Variants in BRD10 observed in about 807,000 individuals in gnomAD.
BRD10 encodes bromodomain containing 10, also known as uncharacterized bromodomain-containing protein 10.
At chr9:5,945,416 C>A in the BRD10 span, among the ~76,000 whole-genome samples, 1 of 152,058 alleles carries the variant, frequency 6.6e-6, no homozygotes, top group African/African-American at 2.4e-5. Context: ...ATTTAACAAA[C>A]CTTAGTTATT....
At chr9:5,922,226 T>G in the BRD10 span, 1 of 1,614,000 alleles carries the variant, frequency 6.2e-7, no homozygotes, top group South Asian at 1.1e-5. Flanking sequence ...AGCAGTCTGT[T>G]GTGCAAAACA....
At chr9:5,944,063 A>C in the BRD10 span, among the ~76,000 whole-genome samples, 1 of 152,202 alleles carries the variant, frequency 6.6e-6, no homozygotes, top group African/African-American at 2.4e-5. Flanking sequence ...ATTTATATTA[A>C]CAGGTTCTGA....
chr9:5,939,572 T>A, the BRD10 span, among the ~76,000 whole-genome samples: 1 of 152,230 alleles, frequency 6.6e-6, no homozygotes, highest in Admixed American at 6.5e-5. Flanking sequence ...TATTATGTAA[T>A]AGAATTCTCT....
chr9:5,989,345 G>A, the BRD10 span, among the ~76,000 whole-genome samples: 1 of 147,036 alleles, frequency 6.8e-6, no homozygotes, highest in African/African-American at 2.5e-5. Context: ...AAGGTGGGAG[G>A]ACCGATGCTT....
At chr9:5,956,115 T>C in the BRD10 span, among the ~76,000 whole-genome samples, 1 of 151,978 alleles carries the variant, frequency 6.6e-6, no homozygotes, top group Non-Finnish European at 1.5e-5. Context: ...AGCCCTACTC[T>C]GATTAGCTTA....
chr9:5,922,403 G>A, the BRD10 span: 2 of 1,613,954 alleles, frequency 1.2e-6, no homozygotes, highest in Non-Finnish European at 1.7e-6. Context: ...AACTGATGGT[G>A]TTAATAAGTT....
chr9:5,976,745 A>C, the BRD10 span, among the ~76,000 whole-genome samples: 1 of 152,074 alleles, frequency 6.6e-6, no homozygotes. Context: ...ATAGATGTGA[A>C]GAGTCAACAC....
chr9:5,973,654 C>T, the BRD10 span, among the ~76,000 whole-genome samples: 6 of 152,026 alleles, frequency 3.9e-5, no homozygotes, highest in South Asian at 6.2e-4. Context: ...TTTGGGAGGC[C>T]GAGGTGGGAG....
chr9:5,925,290 T>C, the BRD10 span, among the ~76,000 whole-genome samples: 17 of 145,332 alleles, frequency 1.2e-4, no homozygotes, highest in Middle Eastern at 0.011. Context: ...ACCCAGGAGG[T>C]GGAGGTTGCA....
the BRD10 span, among the ~76,000 whole-genome samples, chr9:5,894,987 A>G: frequency 4.6e-5 from 7 of 152,254 alleles, no homozygotes; most frequent in African/African-American, 1.7e-4. This position sits in a 1 kb window ranked among gnomAD's most constrained non-coding sequence, Gnocchi z 4.0. Flanking sequence ...AATGACGTGC[A>G]TAAGCAGGGT....
At chr9:6,002,391 C>A in the BRD10 span, among the ~76,000 whole-genome samples, 1 of 151,770 alleles carries the variant, frequency 6.6e-6, no homozygotes, top group Non-Finnish European at 1.5e-5. Flanking sequence ...GAACATGAGG[C>A]AAATCCAGAT....
chr9:5,950,848 C>T, the BRD10 span, among the ~76,000 whole-genome samples: 5 of 151,978 alleles, frequency 3.3e-5, no homozygotes, highest in African/African-American at 1.2e-4. Flanking sequence ...TTTAGGTCAT[C>T]TCTACATTAC....
the BRD10 span, chr9:5,907,134 G>T: frequency 5.5e-5 from 24 of 440,230 alleles, no homozygotes; most frequent in African/African-American, 4.5e-4. Context: ...CCTAAAAATG[G>T]TTAAAATGGC....
the BRD10 span, among the ~76,000 whole-genome samples, chr9:5,884,300 C>T: frequency 6.6e-6 from 1 of 152,222 alleles, no homozygotes; most frequent in Admixed American, 6.5e-5. Context: ...CTGCTTAAAA[C>T]CGTTCTGTGA....
the BRD10 span, among the ~76,000 whole-genome samples, chr9:5,892,196 C>G: frequency 6.6e-6 from 1 of 152,092 alleles, no homozygotes; most frequent in Admixed American, 6.6e-5. Flanking sequence ...ACTTGCAAGT[C>G]TTTTTTGCTT....
At chr9:5,951,304 C>T in the BRD10 span, among the ~76,000 whole-genome samples, 24 of 144,528 alleles carry the variant, frequency 1.7e-4, no homozygotes, top group East Asian at 3.8e-3. Context: ...GAGGTCAAAA[C>T]ATTTTTAAAA....
chr9:5,905,556 C>G, the BRD10 span, among the ~76,000 whole-genome samples: 1 of 152,202 alleles, frequency 6.6e-6, no homozygotes, highest in Non-Finnish European at 1.5e-5. Context: ...CAAACTGACT[C>G]TGGTATAGCA....
At chr9:5,969,190 A>G in the BRD10 span, 1 of 1,613,874 alleles carries the variant, frequency 6.2e-7, no homozygotes, top group East Asian at 2.2e-5. Context: ...GACTTAATAG[A>G]GAAGTCATTA....
the BRD10 span, chr9:5,919,581 C>CACACAA: frequency 2.0e-6 from 2 of 1,017,744 alleles, no homozygotes; most frequent in African/African-American, 3.3e-5. Flanking sequence ...CACACACACA[C>CACACAA]ACAATGTATA....
Sources: gnomAD v4.1 joint callset for allele counts (sites outside exome capture counted in the v4.1 genomes callset) on GRCh38, gnomAD v4.1.1 for gene constraint, Gnocchi (gnomAD v3.1) non-coding constraint, MANE v1.5 for transcripts, NCBI Gene and HGNC (gene_info 2026-07-23, HGNC 2026-07-21) for gene names.